Variants in HS3ST3A1 observed in about 807,000 individuals in gnomAD.
HS3ST3A1 encodes the protein heparan sulfate-glucosamine 3-sulfotransferase 3A1, also known as heparan sulfate glucosamine 3-O-sulfotransferase 3A1.
In HS3ST3A1, 19 loss-of-function variants were observed where a neutral mutation model predicts 25.7. The observed-to-expected ratio is 0.74, with a 90% CI of 0.52 to 1.08. HS3ST3A1 has a LOEUF of 1.08. HS3ST3A1 is among the 50% of genes least tolerant of loss of function. HS3ST3A1 has a pLI of 0.00. For missense variants in HS3ST3A1, 459 were observed against 594.3 expected (o/e 0.77, Z 2.37); for synonymous variants, 226 against 278.6 (o/e 0.81, Z 1.88).
At chr17:13,523,376 G>C (rs1265474429) in intron 1 of HS3ST3A1, among the ~76,000 whole-genome samples, 1 of 152,150 alleles carries the variant, frequency 6.6e-6, no homozygotes, top group Non-Finnish European at 1.5e-5. Context: ...GACAAAGCCT[G>C]GATATTTGAG....
intron 1 of HS3ST3A1, among the ~76,000 whole-genome samples, chr17:13,522,933 A>G (rs963679237): frequency 6.6e-6 from 1 of 151,970 alleles, no homozygotes; most frequent in Non-Finnish European, 1.5e-5. Context: ...GTTTGTGGTA[A>G]CCATAGAACA....
intron 1 of HS3ST3A1, among the ~76,000 whole-genome samples, chr17:13,536,115 A>G (rs2142337924): frequency 6.6e-6 from 1 of 152,276 alleles, no homozygotes; most frequent in Admixed American, 6.5e-5. Context: ...AAAATAAGAA[A>G]AGTTATACTT....
chr17:13,503,046 C>T (rs762054688), intron 1 of HS3ST3A1, among the ~76,000 whole-genome samples: 1 of 151,614 alleles, frequency 6.6e-6, no homozygotes. Context: ...GGCGTGTTGG[C>T]GTGTGCCTGT....
At chr17:13,528,098 C>A (rs1313814204) in intron 1 of HS3ST3A1, among the ~76,000 whole-genome samples, 1 of 152,026 alleles carries the variant, frequency 6.6e-6, no homozygotes, top group Admixed American at 6.6e-5. Context: ...GATTTGGGAT[C>A]CAATTCAGAA....
intron 1 of HS3ST3A1, among the ~76,000 whole-genome samples, chr17:13,594,621 C>T (rs1030405554): frequency 6.6e-6 from 1 of 152,090 alleles, no homozygotes; most frequent in Non-Finnish European, 1.5e-5. Context: ...TAATCTGGGG[C>T]ATATGGTATT....
chr17:13,534,547 CAAAAAAAAAA>C (rs34383911), intron 1 of HS3ST3A1, among the ~76,000 whole-genome samples: 1,226 of 32,844 alleles, frequency 0.037, 17 homozygotes, highest in African/African-American at 0.11. Flanking sequence ...CTACAAAATC[CAAAAAAAAAA>C]AAAAAAAAAA....
chr17:13,506,041 A>G (rs181499888), intron 1 of HS3ST3A1, among the ~76,000 whole-genome samples: 2,095 of 150,758 alleles, frequency 0.014, 61 homozygotes, highest in African/African-American at 0.049. Flanking sequence ...AAAAAAAAAA[A>G]AAAAATTGGA....
chr17:13,595,173 T>C (rs1170078238), intron 1 of HS3ST3A1, among the ~76,000 whole-genome samples: 2 of 152,190 alleles, frequency 1.3e-5, no homozygotes, highest in African/African-American at 4.8e-5. Flanking sequence ...TTAGGATAAA[T>C]GTAAGTTTTT....
intron 1 of HS3ST3A1, among the ~76,000 whole-genome samples, chr17:13,599,355 C>G (rs1908658958): frequency 6.6e-6 from 1 of 152,162 alleles, no homozygotes. Context: ...CTCCTGAAAT[C>G]AATCTGAGAC....
intron 1 of HS3ST3A1, among the ~76,000 whole-genome samples, chr17:13,538,565 A>T (rs1906835694): frequency 6.6e-6 from 1 of 152,150 alleles, no homozygotes; most frequent in African/African-American, 2.4e-5. Flanking sequence ...GGGAAATGAA[A>T]ACCGAATGCC....
At chr17:13,575,929 C>T (rs1907938123) in intron 1 of HS3ST3A1, among the ~76,000 whole-genome samples, 2 of 152,190 alleles carry the variant, frequency 1.3e-5, no homozygotes, top group Non-Finnish European at 2.9e-5. Context: ...GGTCTTGTCG[C>T]TCAAAGGATG....
chr17:13,512,673 T>C (rs1164447806), intron 1 of HS3ST3A1, among the ~76,000 whole-genome samples: 1 of 152,242 alleles, frequency 6.6e-6, no homozygotes, highest in Non-Finnish European at 1.5e-5. Flanking sequence ...TTTCACCTCC[T>C]GCTTTAGACC....
intron 1 of HS3ST3A1, among the ~76,000 whole-genome samples, chr17:13,557,336 T>C (rs1416539910): frequency 6.6e-6 from 1 of 152,108 alleles, no homozygotes; most frequent in Non-Finnish European, 1.5e-5. Context: ...CCCTTGAACA[T>C]TTAAGCATGA....
intron 1 of HS3ST3A1, among the ~76,000 whole-genome samples, chr17:13,589,184 C>G (rs544306800): frequency 6.6e-6 from 1 of 152,130 alleles, no homozygotes; most frequent in African/African-American, 2.4e-5. Flanking sequence ...AAATTCTTTT[C>G]CAATCTGTTT....
intron 1 of HS3ST3A1, among the ~76,000 whole-genome samples, chr17:13,521,718 A>G (rs1257537773): frequency 6.6e-6 from 1 of 152,242 alleles, no homozygotes; most frequent in Non-Finnish European, 1.5e-5. Context: ...TGCTCTAATT[A>G]TTCCTCTTAG....
intron 1 of HS3ST3A1, among the ~76,000 whole-genome samples, chr17:13,498,945 G>GTTT (rs11459083): frequency 7.1e-6 from 1 of 141,156 alleles, no homozygotes; most frequent in Non-Finnish European, 1.6e-5. Flanking sequence ...TCCTATTTTT[G>GTTT]TTTTTTTTTT....
intron 1 of HS3ST3A1, among the ~76,000 whole-genome samples, chr17:13,532,640 C>T (rs1017549621): frequency 3.3e-5 from 5 of 151,944 alleles, no homozygotes; most frequent in African/African-American, 1.2e-4. Flanking sequence ...ACGAGAGAGT[C>T]GCTCTTAAAT....
chr17:13,599,370 A>G (rs1463470762), intron 1 of HS3ST3A1, among the ~76,000 whole-genome samples: 2 of 152,204 alleles, frequency 1.3e-5, no homozygotes, highest in Non-Finnish European at 2.9e-5. Flanking sequence ...TGAGACTGCA[A>G]TTGGCCCCTC....
At chr17:13,502,402 C>T (rs1017383117) in intron 1 of HS3ST3A1, among the ~76,000 whole-genome samples, 1 of 152,180 alleles carries the variant, frequency 6.6e-6, no homozygotes, top group African/African-American at 2.4e-5. Context: ...ACCACTGCCA[C>T]CTCTATGATC....
Sources: allele counts gnomAD v4.1 joint callset (sites outside exome capture counted in the v4.1 genomes callset), GRCh38; gene constraint gnomAD v4.1.1; transcripts MANE v1.5; gene names NCBI Gene and HGNC (gene_info 2026-07-23, HGNC 2026-07-21).